BRD8: variants seen among roughly 807,000 people sequenced by gnomAD.
BRD8 encodes bromodomain containing 8.
A neutral mutation model predicts 143.1 loss-of-function variants in BRD8; 67 were observed. The observed-to-expected ratio is 0.47, with a 90% CI of 0.38 to 0.57. The LOEUF (loss-of-function observed/expected upper bound fraction) is 0.57. Ranked by LOEUF, BRD8 falls within the 20% of genes least tolerant of loss-of-function variation. BRD8 has a pLI of 0.00. For synonymous variants in BRD8, 505 were observed against 517.1 expected, an observed-to-expected ratio of 0.98 and a Z score of 0.32; for missense variants, 1,103 against 1,503.0, an observed-to-expected ratio of 0.73 and a Z score of 4.40.
At chr5:138,167,091 C>CAAAAAAAAAAAA (rs60506064) in intron 9 of BRD8, 48 of 36,874 alleles carry the variant, frequency 1.3e-3, no homozygotes, top group Non-Finnish European at 1.8e-3. Flanking sequence ...ACTAAAAATA[C>CAAAAAAAAAAAA]AAAAAAAAAA....
intron 25 of BRD8, among the ~76,000 whole-genome samples, chr5:138,144,655 C>G (rs762082926): frequency 1.2e-4 from 18 of 152,040 alleles, no homozygotes; most frequent in Non-Finnish European, 2.5e-4. Flanking sequence ...ATAATCCCAG[C>G]CTTTGGAAGG....
In BRD8 at chr5:138,145,165, T is replaced by G. The variant is rs1014027221; in HGVS notation, c.3437+12A>C. ...AAAGCAACCAACCTTTCTTGACCCCTTTTTCACTGACCTTTTCACCACATC... is the reference window on the plus strand; with the variant it reads ...AAAGCAACCAACCTTTCTTGACCCCGTTTTCACTGACCTTTTCACCACATC... On this transcript the variant is annotated intron_variant, in intron 25 of 26. Coordinates refer to ENST00000254900, the MANE Select transcript of BRD8 (RefSeq NM_139199.2). 6 of 1,602,142 alleles carry G rather than the reference T, an allele frequency of 3.7e-6. No homozygotes were observed. Among genetic ancestry groups the G allele is most frequent in the Non-Finnish European group, 5.1e-6 (6 of 1,174,710 alleles).
At chr5:138,165,736 A>G in intron 11 of BRD8, 92 bp downstream of exon 11, 1 of 1,373,646 alleles carries the variant, frequency 7.3e-7, no homozygotes, top group Non-Finnish European at 9.7e-7. Flanking sequence ...CAAAAAAAAA[A>G]AAAAAAAAGC....
At chr5:138,161,599 C>T (rs186783074) in intron 17 of BRD8, among the ~76,000 whole-genome samples, 197 bp downstream of exon 17, 172 of 152,314 alleles carry the variant, frequency 1.1e-3, no homozygotes, top group African/African-American at 4.0e-3. Context: ...CGTGAGCCAC[C>T]GCTCCTGGTG....
chr5:138,149,454 G>T (rs974248897), intron 23 of BRD8, among the ~76,000 whole-genome samples, 186 bp downstream of exon 23: 1 of 151,994 alleles, frequency 6.6e-6, no homozygotes, highest in African/African-American at 2.4e-5. Context: ...AAACATATTT[G>T]TTTTATAACA....
rs771468142 is a variant in BRD8 at position 138,178,604 on chromosome 5, C to A, written c.11G>T (p.Gly4Val). Residue 4 changes from glycine to valine, a missense_variant, in exon 1 of 27, where the codon GGA becomes GTA. Physicochemically the swap from Gly to Val is moderately radical, Grantham distance 109. Transcript: ENST00000254900. MATGTGKHKLLSTG... is the reference protein window; with the variant it reads MATVTGKHKLLSTG... Reference sequence around the variant, plus strand: ...CCTGCTCAGATACTCACTGCCCGTTCCCGTCGCCATCTTGGCCCCGAAGTC... The same window carrying A: ...CCTGCTCAGATACTCACTGCCCGTTACCGTCGCCATCTTGGCCCCGAAGTC... 6.2e-7 allele frequency: 1 copy of A among 1,613,924 alleles called. No homozygotes were observed. Among genetic ancestry groups the A allele is most frequent in the South Asian group, 1.1e-5 (1 of 91,074 alleles).
In BRD8 at chr5:138,157,298, A is replaced by G. The variant is rs1303978957; in HGVS notation, c.2577+2257T>C. The G allele has an allele frequency of 3.1e-6, 5 of 1,613,498 alleles. No individual in the cohort carries two copies. The South Asian group carries it at 3.3e-5, about 11-fold the overall frequency. On this transcript the variant is annotated intron_variant, in intron 20 of 26. Coordinates refer to ENST00000254900, the MANE Select transcript of BRD8 (RefSeq NM_139199.2). Reference sequence around the variant, plus strand: ...TGACAGGCAGAGAAAGAAAGGGAGCATGAGTTGGTCAGGAGACAAGAGACG... The same window carrying G: ...TGACAGGCAGAGAAAGAAAGGGAGCGTGAGTTGGTCAGGAGACAAGAGACG...
intron 15 of BRD8, 74 bp from the exon 16 acceptor site, chr5:138,162,220 G>C: frequency 1.6e-6 from 2 of 1,220,226 alleles, no homozygotes; most frequent in Non-Finnish European, 2.3e-6. Flanking sequence ...TTCTTTTTGA[G>C]ACAGGGTCTC....
chr5:138,158,959 G>A (rs1306674012), intron 20 of BRD8, among the ~76,000 whole-genome samples: 1 of 150,736 alleles, frequency 6.6e-6, no homozygotes, highest in Non-Finnish European at 1.5e-5. Context: ...TGTTGTTGCC[G>A]TTTTTAAATT....
At chr5:138,164,623 G>T (rs1403211651) in intron 12 of BRD8, 91 bp downstream of exon 12, 21 of 1,422,316 alleles carry the variant, frequency 1.5e-5, no homozygotes, top group South Asian at 2.4e-5. Flanking sequence ...CAGAACTCAG[G>T]AATGCAACTG....
intron 1 of BRD8, among the ~76,000 whole-genome samples, 172 bp downstream of exon 1, chr5:138,178,424 G>T (rs1360332815): frequency 6.6e-6 from 1 of 152,194 alleles, no homozygotes; most frequent in African/African-American, 2.4e-5. Flanking sequence ...CAAGACCCCA[G>T]ATTTCTGGGC....
rs1260913901 is a variant in BRD8 at position 138,152,723 on chromosome 5, TC to T, written c.2614del (p.Asp872IlefsTer8). On this transcript the variant is annotated frameshift_variant, in exon 21 of 27. Transcript: ENST00000254900. LOFTEE classifies it high-confidence loss of function. ...GCTCAACTCAGAGTCATTGGGATGA[TC>T]TTGTTCAGAATCCAGCCAAACCCAC... ...HEWVWLDSEQ[D>X]HPNDSELSND... 3 of 1,614,022 alleles carry T rather than the reference TC, an allele frequency of 1.9e-6. No homozygotes were observed. Among genetic ancestry groups the T allele is most frequent in the Non-Finnish European group, 2.5e-6 (3 of 1,180,018 alleles).
chr5:138,178,400 C>A (rs1294477243), intron 1 of BRD8, among the ~76,000 whole-genome samples, 196 bp downstream of exon 1: 1 of 152,198 alleles, frequency 6.6e-6, no homozygotes, highest in Non-Finnish European at 1.5e-5. Context: ...CACCTCCGCT[C>A]TCTCCCTGAG....
intron 23 of BRD8, among the ~76,000 whole-genome samples, chr5:138,149,099 A>G (rs930944478): frequency 6.6e-6 from 1 of 151,602 alleles, no homozygotes; most frequent in African/African-American, 2.4e-5. Flanking sequence ...TAGTTTGTAT[A>G]TTAGGCATAG....
intron 15 of BRD8, 70 bp downstream of exon 15, chr5:138,163,060 G>A (rs1581433863): frequency 1.8e-5 from 23 of 1,295,424 alleles, no homozygotes; most frequent in Middle Eastern, 2.5e-4. Context: ...CAGGAAGGAA[G>A]GAAGGAAGGA....
chr5:138,160,807 A>T, intron 18 of BRD8, 84 bp downstream of exon 18: 1 of 1,305,496 alleles, frequency 7.7e-7, no homozygotes, highest in East Asian at 2.6e-5. Flanking sequence ...AAGCCACAGC[A>T]ACCCTTCTTG....
At chr5:138,170,302 C>G in intron 7 of BRD8, 43 bp downstream of exon 7, 1 of 1,278,448 alleles carries the variant, frequency 7.8e-7, no homozygotes. Context: ...GCATGCAGTA[C>G]TGTGCAATCA....
At chr5:138,164,534 A>T in intron 12 of BRD8, 121 bp from the exon 13 acceptor site, 1 of 1,156,808 alleles carries the variant, frequency 8.6e-7, no homozygotes, top group South Asian at 1.4e-5. Flanking sequence ...ATGTAATGTG[A>T]CTCCAATGGT....
At chr5:138,163,764 G>A in intron 14 of BRD8, 1 of 734,352 alleles carries the variant, frequency 1.4e-6, no homozygotes, top group Non-Finnish European at 2.1e-6. Flanking sequence ...GAAAACTCTG[G>A]ATGATTCTCT....
Sources: gnomAD v4.1 joint callset for allele counts (sites outside exome capture counted in the v4.1 genomes callset) on GRCh38, gnomAD v4.1.1 for gene constraint, MANE v1.5 for transcripts, NCBI Gene and HGNC (gene_info 2026-07-23, HGNC 2026-07-21) for gene names.